ARHGEF38: variants seen among roughly 807,000 people sequenced by gnomAD.
ARHGEF38 encodes Rho guanine nucleotide exchange factor 38.
ARHGEF38 carries 79 observed loss-of-function variants against 79.9 expected under a neutral mutation model. The ratio of observed to expected loss-of-function variants is 0.99; its 90% CI spans 0.82 to 1.19. The LOEUF is 1.19. ARHGEF38 is among the 50% of genes most tolerant of loss of function. ARHGEF38 has a pLI of 0.00. For synonymous variants in ARHGEF38, 366 were observed against 328.3 expected (o/e 1.11, Z -1.24); for missense variants, 962 against 907.2 (o/e 1.06, Z -0.78).
intron 10 of ARHGEF38, among the ~76,000 whole-genome samples, chr4:105,664,853 C>T (rs973591685): frequency 1.3e-5 from 2 of 152,116 alleles, no homozygotes; most frequent in African/African-American, 4.8e-5. Flanking sequence ...CTGTGTATTT[C>T]TGTCAATACT....
intron 7 of ARHGEF38, among the ~76,000 whole-genome samples, chr4:105,650,455 C>T (rs529418735): frequency 1.3e-5 from 2 of 152,312 alleles, no homozygotes; most frequent in South Asian, 2.1e-4. Flanking sequence ...TAGAGATTAC[C>T]CCTATATCCC....
chr4:105,678,016 A>G lies in ARHGEF38; in HGVS notation c.*79A>G. The G allele has an allele frequency of 7.7e-7, 1 of 1,293,766 alleles. No individual in the cohort carries two copies. Among genetic ancestry groups the G allele is most frequent in the Non-Finnish European group, 1.0e-6 (1 of 975,294 alleles). 80.1% of individuals were successfully genotyped at this position (1,293,766 alleles called of 1,614,324 possible). A position where few individuals can be genotyped will look rare whatever the true frequency, so the allele number is the denominator to read the frequency against. The stretch of plus-strand genomic sequence containing the variant: ...TAAAACTGACATTACAAAACTTTGG[A>G]CCAGAAAGCAAGAAACCTCTGAACT... On this transcript the variant is annotated 3_prime_UTR_variant, in exon 14 of 14. Coordinates refer to ENST00000420470, the MANE Select transcript of ARHGEF38 (RefSeq NM_001242729.2).
At chr4:105,676,138 G>C (rs17036097) in intron 13 of ARHGEF38, among the ~76,000 whole-genome samples, 34,264 of 152,006 alleles carry the variant, frequency 0.23, 5,414 homozygotes, top group African/African-American at 0.45. Flanking sequence ...TCCACACTAC[G>C]CATTCTCTTT....
At chr4:105,582,300 ATT>A (rs55720949) in intron 1 of ARHGEF38, among the ~76,000 whole-genome samples, 14 of 138,706 alleles carry the variant, frequency 1.0e-4, no homozygotes, top group African/African-American at 2.1e-4. Flanking sequence ...GGCTTATTGT[ATT>A]TTTTTTTTTT....
intron 2 of ARHGEF38, among the ~76,000 whole-genome samples, chr4:105,591,336 C>G (rs1727325154): frequency 6.6e-6 from 1 of 152,198 alleles, no homozygotes; most frequent in African/African-American, 2.4e-5. Context: ...TCATGCCATT[C>G]TCCTGCCTCA....
intron 3 of ARHGEF38, among the ~76,000 whole-genome samples, chr4:105,614,174 A>G (rs956188285): frequency 1.3e-5 from 2 of 152,190 alleles, no homozygotes; most frequent in Non-Finnish European, 2.9e-5. Context: ...TGTGCTATGA[A>G]TTCCTTAAAG....
intron 9 of ARHGEF38, among the ~76,000 whole-genome samples, chr4:105,657,544 C>T (rs1221916317): frequency 6.6e-6 from 1 of 151,960 alleles, no homozygotes; most frequent in Non-Finnish European, 1.5e-5. Context: ...TTTGTTCTAA[C>T]AACAATTCCT....
rs564797236 is a variant in ARHGEF38, at chr4:105,646,596, C to T, written c.874+1209C>T. Among the ~76,000 whole-genome samples the T allele has an allele frequency of 7.9e-5, 12 of 152,186 alleles. 1 individual carries two copies. In the South Asian group the frequency reaches 1.0e-3, roughly 13 times the overall value. On this transcript the variant is annotated intron_variant, in intron 6 of 13. Transcript: ENST00000420470. ...CTAGCAAAGTTGAAGATGCACAGACCGGAGACTCAGAAAATGAATTTCTAA... is the reference window on the plus strand; with the variant it reads ...CTAGCAAAGTTGAAGATGCACAGACTGGAGACTCAGAAAATGAATTTCTAA...
At chr4:105,647,240 G>T (rs932376848) in intron 6 of ARHGEF38, among the ~76,000 whole-genome samples, 2 of 151,950 alleles carry the variant, frequency 1.3e-5, no homozygotes, top group Non-Finnish European at 2.9e-5. Context: ...GTTTTCTTCA[G>T]ACGTACTCTG....
At chr4:105,628,134 A>G (rs748376896) in intron 3 of ARHGEF38, among the ~76,000 whole-genome samples, 18 of 152,110 alleles carry the variant, frequency 1.2e-4, no homozygotes, top group Non-Finnish European at 2.1e-4. Flanking sequence ...TAATGGGTTC[A>G]TTGTGTATAA....
intron 4 of ARHGEF38, among the ~76,000 whole-genome samples, chr4:105,633,744 T>A (rs1191489666): frequency 6.6e-6 from 1 of 152,170 alleles, no homozygotes; most frequent in Non-Finnish European, 1.5e-5. Flanking sequence ...TTGAAAATAT[T>A]TTTTAAAAAT....
At chr4:105,567,241 G>A (rs1404921160) in intron 1 of ARHGEF38, among the ~76,000 whole-genome samples, 1 of 152,166 alleles carries the variant, frequency 6.6e-6, no homozygotes, top group Non-Finnish European at 1.5e-5. Context: ...ATTTACACCA[G>A]TTTTTAAATA....
intron 1 of ARHGEF38, among the ~76,000 whole-genome samples, chr4:105,564,378 GCTAA>G (rs1343478160): frequency 6.6e-6 from 1 of 152,090 alleles, no homozygotes; most frequent in African/African-American, 2.4e-5. Context: ...AAGATATTGT[GCTAA>G]CTAAAATAAG....
At chr4:105,634,120 A>T (rs913548556) in intron 4 of ARHGEF38, among the ~76,000 whole-genome samples, 2 of 152,190 alleles carry the variant, frequency 1.3e-5, no homozygotes, top group African/African-American at 4.8e-5. Context: ...CCAAAAAAAA[A>T]TACTATTTCT....
intron 1 of ARHGEF38, among the ~76,000 whole-genome samples, chr4:105,562,609 TCAA>T (rs563463008): frequency 1.8e-4 from 28 of 152,328 alleles, no homozygotes; most frequent in Non-Finnish European, 3.8e-4. Flanking sequence ...ATGAATTTAT[TCAA>T]CAAATATTTG....
chr4:105,636,272 C>T (rs17261094), intron 4 of ARHGEF38, 131 bp from the exon 5 acceptor site: 13,128 of 171,512 alleles, frequency 0.077, 513 homozygotes, highest in Middle Eastern at 0.095. Flanking sequence ...AATGAGACTA[C>T]TTCTATAAGG....
At chr4:105,576,407 CTT>C (rs35502329) in intron 1 of ARHGEF38, among the ~76,000 whole-genome samples, 1,337 of 128,318 alleles carry the variant, frequency 0.01, 14 homozygotes, top group Admixed American at 0.032. Context: ...TTCTTTTCTT[CTT>C]TTTTTTTTTT....
At chr4:105,561,449 G>GGAATGGAATGGAATAGAATA (rs1725566310) in intron 1 of ARHGEF38, 2 of 45,614 alleles carry the variant, frequency 4.4e-5, no homozygotes, top group Non-Finnish European at 8.4e-5. Flanking sequence ...AGAATAGAAT[G>GGAATGGAATGGAATAGAATA]GAATAGAATA....
At chr4:105,643,717 A>AT (rs1033996793) in intron 5 of ARHGEF38, among the ~76,000 whole-genome samples, 6 of 152,140 alleles carry the variant, frequency 3.9e-5, no homozygotes, top group African/African-American at 1.4e-4. Flanking sequence ...CCAGATAGTG[A>AT]TAAGTGGAGA....
Sources: allele counts gnomAD v4.1 joint callset (sites outside exome capture counted in the v4.1 genomes callset), GRCh38; gene constraint gnomAD v4.1.1; transcripts MANE v1.5; gene names NCBI Gene and HGNC (gene_info 2026-07-23, HGNC 2026-07-21).